The following DIAPH3 variants were observed in gnomAD, a reference collection of about 807,000 sequenced individuals.
DIAPH3 encodes diaphanous related formin 3, also known as protein diaphanous homolog 3.
Under a neutral mutation model 144.3 loss-of-function variants are expected in DIAPH3, and 117 were observed. The observed-to-expected ratio is 0.81, with a 90% CI of 0.70 to 0.95. DIAPH3 has a LOEUF of 0.95. Ranked by LOEUF, DIAPH3 falls within the 40% of genes least tolerant of loss-of-function variation. DIAPH3 has a pLI of 0.00. For synonymous variants in DIAPH3, 519 were observed against 488.9 expected (o/e 1.06, Z -0.81); for missense variants, 1,421 against 1,412.7 (o/e 1.01, Z -0.09).
intron 27 of DIAPH3, among the ~76,000 whole-genome samples, chr13:59,682,622 C>A (rs2033002729): frequency 6.6e-6 from 1 of 152,162 alleles, no homozygotes. Flanking sequence ...TGTACTTATG[C>A]AGAAAACTCT....
At chr13:59,840,031 G>A (rs980825125) in intron 22 of DIAPH3, among the ~76,000 whole-genome samples, 2 of 151,932 alleles carry the variant, frequency 1.3e-5, no homozygotes, top group South Asian at 2.1e-4. Context: ...TGGCTCTCAC[G>A]GTACACATGA....
chr13:60,137,463 A>G (rs2059314060), intron 1 of DIAPH3, among the ~76,000 whole-genome samples: 1 of 152,216 alleles, frequency 6.6e-6, no homozygotes, highest in South Asian at 2.1e-4. Flanking sequence ...TAGTACACAA[A>G]GCAATATACA....
At chr13:59,992,351 G>T in intron 10 of DIAPH3, 122 bp downstream of exon 10, 1 of 1,096,212 alleles carries the variant, frequency 9.1e-7, no homozygotes, top group Non-Finnish European at 1.3e-6. Context: ...TTCAAAAATA[G>T]ATTTTTTAAC....
At chr13:60,072,430 G>A (rs1266672144) in intron 4 of DIAPH3, among the ~76,000 whole-genome samples, 2 of 152,008 alleles carry the variant, frequency 1.3e-5, no homozygotes, top group African/African-American at 4.8e-5. Flanking sequence ...TTACACACAT[G>A]CACAAGAAAA....
Position 59,879,390 on chromosome 13 carries a change from T to C in DIAPH3, c.2446A>G (p.Ile816Val), listed in dbSNP as rs774874379. 6 of 1,613,784 alleles carry C rather than the reference T, an allele frequency of 3.7e-6. No homozygotes were observed. The highest frequency in any genetic ancestry group is 5.1e-6 in the Non-Finnish European group (6 of 1,179,874). ...KLQFEEQVNN[I>V]KPDIMAVSTA... ...CTGACAGCCATGATGTCAGGTTTGA[T>C]GTTGTTCACCTGCTCTTCAAACTGA... is the stretch of plus-strand genomic sequence containing the variant. Residue 816 changes from isoleucine to valine, a missense_variant, in exon 21 of 28, where the codon ATC (isoleucine) becomes GTC (valine). Physicochemically the swap from Ile to Val is conservative, Grantham distance 29. Transcript: ENST00000400324.
At chr13:59,673,594 G>A (rs765300) in intron 27 of DIAPH3, among the ~76,000 whole-genome samples, 2 of 152,288 alleles carry the variant, frequency 1.3e-5, no homozygotes, top group African/African-American at 2.4e-5. Context: ...GAATGACTCA[G>A]GATGGGGGTT....
chr13:60,016,347 C>T (rs1019216288), intron 5 of DIAPH3, among the ~76,000 whole-genome samples: 10 of 152,264 alleles, frequency 6.6e-5, no homozygotes, highest in East Asian at 3.9e-4. Context: ...TGCTAAACTC[C>T]GCTTGCACAG....
chr13:59,985,852 T>C (rs2051363109), intron 12 of DIAPH3, among the ~76,000 whole-genome samples: 1 of 74,378 alleles, frequency 1.3e-5, no homozygotes, highest in Non-Finnish European at 2.7e-5. Flanking sequence ...GAACATTCCA[T>C]GCTCATGGGT....
In DIAPH3 at chr13:59,820,581, T is replaced by C. The variant is rs115197710; in HGVS notation, c.3028-9658A>G. 3.1e-3 allele frequency among the ~76,000 whole-genome samples: 469 copies of C among 151,988 alleles called. 3 individuals are homozygous for C. The highest frequency in any genetic ancestry group is 0.01 in the African/African-American group (428 of 41,536). ...CCAATAATGCAATTAACATTTGTTT[T>C]ATATTTTTCCCTAAAAGTGCAATTT... On this transcript the variant is annotated intron_variant, in intron 24 of 27. Transcript: ENST00000400324.
At chr13:59,893,131 A>C (rs1490583435) in intron 20 of DIAPH3, among the ~76,000 whole-genome samples, 1 of 152,176 alleles carries the variant, frequency 6.6e-6, no homozygotes, top group Non-Finnish European at 1.5e-5. Flanking sequence ...CAAATACAAA[A>C]ATACATATGG....
intron 27 of DIAPH3, among the ~76,000 whole-genome samples, chr13:59,736,505 A>G (rs1399494659): frequency 1.3e-5 from 2 of 151,964 alleles, no homozygotes; most frequent in Non-Finnish European, 2.9e-5. Flanking sequence ...GTAGTACCTC[A>G]CTGTCGTTTT....
At chr13:60,160,205 CAGAGCAAGACTCCGTCTCA>C (rs1566837909) in intron 1 of DIAPH3, among the ~76,000 whole-genome samples, 1 of 152,016 alleles carries the variant, frequency 6.6e-6, no homozygotes, top group Non-Finnish European at 1.5e-5. Flanking sequence ...GCCTGGGCGA[CAGAGCAAGACTCCGTCTCA>C]AAAAAAGAAA....
At chr13:59,952,748 T>A (rs961474255) in intron 17 of DIAPH3, among the ~76,000 whole-genome samples, 1 of 152,122 alleles carries the variant, frequency 6.6e-6, no homozygotes, top group Admixed American at 6.5e-5. Context: ...ATATTTCTAC[T>A]CCCCTTCCAA....
chr13:59,861,144 G>A, intron 22 of DIAPH3: 3 of 1,141,900 alleles, frequency 2.6e-6, no homozygotes, highest in Middle Eastern at 3.0e-4. Context: ...TAGAAGGTAG[G>A]GCTAGCAGGT....
intron 5 of DIAPH3, among the ~76,000 whole-genome samples, chr13:60,016,375 G>A (rs2053649966): frequency 6.6e-6 from 1 of 152,182 alleles, no homozygotes; most frequent in Non-Finnish European, 1.5e-5. Context: ...AGAGCAGACT[G>A]TGCCCATCTC....
intron 27 of DIAPH3, among the ~76,000 whole-genome samples, chr13:59,712,132 G>C (rs2034779831): frequency 6.6e-6 from 1 of 152,154 alleles, no homozygotes; most frequent in African/African-American, 2.4e-5. Flanking sequence ...TAGCCAAAAA[G>C]GTAACAGCAT....
At chr13:60,029,365 A>G (rs1258734807) in intron 5 of DIAPH3, among the ~76,000 whole-genome samples, 1 of 151,096 alleles carries the variant, frequency 6.6e-6, no homozygotes, top group Non-Finnish European at 1.5e-5. Flanking sequence ...CTTCTTGTCC[A>G]CTCTCTCCTC....
In DIAPH3 at chr13:59,974,458, T is replaced by C. The variant is rs1594184768; in HGVS notation, c.1546-2A>G. The C allele has an allele frequency of 6.2e-7, 1 of 1,605,742 alleles. No individual in the cohort carries two copies. The highest frequency in any genetic ancestry group is 2.2e-5 in the East Asian group (1 of 44,726). Reference sequence around the variant, plus strand: ...GTGGTCGGTAAACTCTTTTTCAAACTGAAACAAATTAAAAATAATAACAAA... The same window carrying C: ...GTGGTCGGTAAACTCTTTTTCAAACCGAAACAAATTAAAAATAATAACAAA... On this transcript the variant is annotated splice_acceptor_variant, in intron 14 of 27. Coordinates refer to ENST00000400324, the MANE Select transcript of DIAPH3 (RefSeq NM_001042517.2). LOFTEE classifies it high-confidence loss of function.
rs1350343553 is a variant in DIAPH3, at chr13:59,768,445, A to C, written c.3319+5744T>G. On this transcript the variant is annotated intron_variant, in intron 27 of 27. Coordinates refer to ENST00000400324, the MANE Select transcript of DIAPH3 (RefSeq NM_001042517.2). ...GAGTTGTCTTCATTGTTTCCAAAGAAGACTTAAGGCAGTTAGTGCTCAGTA... is the reference window on the plus strand; with the variant it reads ...GAGTTGTCTTCATTGTTTCCAAAGACGACTTAAGGCAGTTAGTGCTCAGTA... Among the ~76,000 whole-genome samples, 4 of 152,158 alleles carry C rather than the reference A, an allele frequency of 2.6e-5. No individual in the cohort carries two copies. The South Asian group carries it at 6.2e-4, about 24-fold the overall frequency.
Sources: gnomAD v4.1 joint callset for allele counts (sites outside exome capture counted in the v4.1 genomes callset) on GRCh38, gnomAD v4.1.1 for gene constraint, MANE v1.5 for transcripts, NCBI Gene and HGNC (gene_info 2026-07-23, HGNC 2026-07-21) for gene names.